The following CA14 variants were observed in gnomAD, a reference collection of about 807,000 sequenced individuals.
CA14 encodes carbonic anhydrase 14.
Under a neutral mutation model 48.8 loss-of-function variants are expected in CA14, and 44 were observed. The observed-to-expected ratio is 0.90, with a 90% confidence interval of 0.71 to 1.16. CA14 has a LOEUF of 1.16. Among genes scored for constraint, CA14 ranks in the 50% most tolerant of loss-of-function variants. CA14 has a pLI of 0.00. For missense variants in CA14, 386 were observed against 401.0 expected (o/e 0.96, Z 0.32); for synonymous variants, 154 against 155.0 (o/e 0.99, Z 0.05).
chr1:150,263,571 G>C (rs1651293535), intron 8 of CA14, 88 bp from the exon 9 acceptor site: 2 of 1,611,764 alleles, frequency 1.2e-6, no homozygotes, highest in Admixed American at 1.7e-5. Context: ...TGCCCCCGGG[G>C]GATTCTCCCA....
Position 150,258,030 on chromosome 1 carries a change from CT to C in CA14, c.-98del. The C allele has an allele frequency of 1.4e-6, 1 of 694,990 alleles. No individual in the cohort carries two copies. The allele number at this position is 694,990 out of a possible 1,614,324, so 43.1% of individuals were successfully genotyped here. ...CACTCACGCCAGGAGCTCGCTCGCT[CT>C]CTCTCTCTCTCTCTCACTCCTCCCT... On this transcript the variant is annotated 5_prime_UTR_variant, in exon 1 of 11. Transcript: ENST00000369111.
intron 1 of CA14, among the ~76,000 whole-genome samples, chr1:150,258,958 G>T (rs1382971830): frequency 6.6e-6 from 1 of 150,838 alleles, no homozygotes; most frequent in South Asian, 2.1e-4. Context: ...AGAGGATGGG[G>T]GCAGGCAGGC....
intron 2 of CA14, 169 bp from the exon 3 acceptor site, chr1:150,261,290 C>T: frequency 1.6e-6 from 1 of 611,796 alleles, no homozygotes; most frequent in Non-Finnish European, 2.9e-6. Flanking sequence ...AGGACTCCTA[C>T]CTCACCCATC....
chr1:150,260,059 A>G (rs1650864061), intron 1 of CA14, 92 bp from the exon 2 acceptor site: 3 of 1,212,240 alleles, frequency 2.5e-6, no homozygotes, highest in East Asian at 4.7e-5. Flanking sequence ...AGGGAGGTGG[A>G]GCAGTACAGA....
Position 150,262,384 on chromosome 1 carries a change from T to G in CA14, c.399+84T>G, listed in dbSNP as rs1651115653. The G allele has an allele frequency of 2.0e-6, 3 of 1,533,680 alleles. No homozygotes were observed. In the African/African-American group the frequency reaches 4.1e-5, roughly 21 times the overall value. ...GAAAGGATCTGGACCTTAGGAAAAG[T>G]CATGCTGGGGGGATAAGGCCAATCT... On this transcript the variant is annotated intron_variant, in intron 4 of 10. Transcript: ENST00000369111.
Position 150,258,025 on chromosome 1 carries a change from TCG to T in CA14, c.-102_-101del, listed in dbSNP as rs1553847046. ...AAATACACTCACGCCAGGAGCTCGC[TCG>T]CTCTCTCTCTCTCTCTCTCACTCCT... On this transcript the variant is annotated 5_prime_UTR_variant, in exon 1 of 11. Transcript: ENST00000369111. The T allele has an allele frequency of 9.3e-5, 69 of 743,864 alleles. No homozygotes were observed. The highest frequency in any genetic ancestry group is 1.7e-4 in the African/African-American group (9 of 53,332). The allele number at this position is 743,864 out of a possible 1,614,324, so 46.1% of individuals were successfully genotyped here.
At chr1:150,259,695 A>G (rs1650831137) in intron 1 of CA14, among the ~76,000 whole-genome samples, 1 of 151,904 alleles carries the variant, frequency 6.6e-6, no homozygotes, top group Non-Finnish European at 1.5e-5. Context: ...TCCCCTCAGT[A>G]GCACCCCCCA....
chr1:150,263,626 G>T (rs781994058), intron 8 of CA14, 33 bp from the exon 9 acceptor site: 9 of 1,613,238 alleles, frequency 5.6e-6, no homozygotes, highest in Non-Finnish European at 6.8e-6. Context: ...ATGGGGATCT[G>T]AAGTCCCACT....
Position 150,258,144 on chromosome 1 carries a change from C to T in CA14, c.16C>T (p.Leu6Phe). 7 of 1,611,134 alleles carry T rather than the reference C, an allele frequency of 4.3e-6. No homozygotes were observed. Among genetic ancestry groups the T allele is most frequent in the Non-Finnish European group, 5.9e-6 (7 of 1,178,186 alleles). Residue 6 changes from leucine to phenylalanine, a missense_variant, in exon 1 of 11, where the codon CTC (leucine) becomes TTC (phenylalanine). Leu to Phe is a conservative substitution (Grantham distance 22, BLOSUM62 0). Coordinates refer to ENST00000369111, the MANE Select transcript of CA14 (RefSeq NM_012113.3). ...CTGGGACACTATGTTGTTCTCCGCC[C>T]TCCTGCTGGAGGTGATTTGGATCCT... Reference protein sequence around the residue: MLFSALLLEVIWILAA... With the variant: MLFSAFLLEVIWILAA...
rs148420100 is a variant in CA14 at position 150,263,432 on chromosome 1, G to A, written c.841+13G>A. On this transcript the variant is annotated intron_variant, in intron 8 of 10. Transcript: ENST00000369111. ...TCTTTCATCCAAGGTGATTCTGCAC[G>A]GCTCAGAAGAGATGGGAAACTGAGG... is the stretch of plus-strand genomic sequence containing the variant. 85 of 1,613,154 alleles carry A rather than the reference G, an allele frequency of 5.3e-5. No individual in the cohort carries two copies. In the African/African-American group the frequency reaches 8.0e-4, roughly 15 times the overall value.
Position 150,264,817 on chromosome 1 carries a change from G to A in CA14, c.*158G>A, listed in dbSNP as rs2101843510. 1.9e-6 allele frequency: 1 copy of A among 521,804 alleles called. No individual in the cohort carries two copies. The highest frequency in any genetic ancestry group is 3.4e-6 in the Non-Finnish European group (1 of 293,686). 32.3% of individuals were successfully genotyped at this position (521,804 alleles called of 1,614,324 possible). On this transcript the variant is annotated 3_prime_UTR_variant, in exon 11 of 11. Transcript: ENST00000369111. ...TCCTAGAGAGGAATGGACCCAGGCT[G>A]TCATTCCAGGAAGAACTGCAGAGCC... is the stretch of plus-strand genomic sequence containing the variant.
chr1:150,258,179 T>A lies in CA14; in HGVS notation c.51T>A (p.Asp17Glu). The change falls in exon 1 of 11, where the codon GAT becomes GAA. Residue 17 changes from aspartate to glutamate, a missense_variant. Physicochemically the swap from Asp to Glu is conservative, Grantham distance 45. Coordinates refer to ENST00000369111, the MANE Select transcript of CA14 (RefSeq NM_012113.3). ...LLEVIWILAA[D>E]GGQHWTYEGP... ...AGGTGATTTGGATCCTGGCTGCAGA[T>A]GGGGGTAGGTACAACTAAATGTCTG... 4 of 1,610,714 alleles carry A rather than the reference T, an allele frequency of 2.5e-6. No homozygotes were observed. The highest frequency in any genetic ancestry group is 3.4e-6 in the Non-Finnish European group (4 of 1,177,832).
At chr1:150,260,637 C>A in intron 2 of CA14, 1 of 262,872 alleles carries the variant, frequency 3.8e-6, no homozygotes. Flanking sequence ...CTTAACCAAA[C>A]TCAAGTTCAT....
At chr1:150,258,255 G>A (rs1650713533) in intron 1 of CA14, 72 bp downstream of exon 1, 7 of 1,287,336 alleles carry the variant, frequency 5.4e-6, no homozygotes, top group African/African-American at 1.5e-5. Context: ...CTTAATGGGG[G>A]GAGGAGAGGT....
At chr1:150,263,238 G>GT (rs1651245422) in intron 7 of CA14, 39 bp downstream of exon 7, 4 of 1,613,732 alleles carry the variant, frequency 2.5e-6, no homozygotes, top group Non-Finnish European at 1.7e-6. Context: ...AGACACAGTT[G>GT]TAACTTCAGA....
rs201259406 is a variant in CA14, at chr1:150,263,912, C to CTTTTTT, written c.947+36_947+37insTTTTTT. On this transcript the variant is annotated intron_variant, in intron 10 of 10. Coordinates refer to ENST00000369111, the MANE Select transcript of CA14 (RefSeq NM_012113.3). ...CTACTTTCCATTCCTCCAGTCCCTTCTTCTTTTTTTTTTTTTTTTTGGTAG... is the reference window on the plus strand; with the variant it reads ...CTACTTTCCATTCCTCCAGTCCCTTCTTTTTTTTCTTTTTTTTTTTTTTTTTGGTAG... 1.0e-5 allele frequency: 10 copies of CTTTTTT among 998,094 alleles called. No homozygotes were observed. In the African/African-American group the frequency reaches 1.3e-4, roughly 13 times the overall value. 61.8% of individuals were successfully genotyped at this position (998,094 alleles called of 1,614,324 possible).
rs1553847816 is a variant in CA14, at chr1:150,261,539, G to T, written c.157G>T (p.Asp53Tyr). Residue 53 changes from aspartate (D) to tyrosine (Y), a missense_variant, in exon 3 of 11, where the codon GAC becomes TAC. Physicochemically the swap from Asp to Tyr is radical, Grantham distance 160. Transcript: ENST00000369111. ...CCAGTCGCCCATCGATATTCAGACA[G>T]ACAGTGTGACATTTGACCCTGATTT... ...NAQSPIDIQT[D>Y]SVTFDPDLPA... 1 of 1,614,184 alleles carries T rather than the reference G, an allele frequency of 6.2e-7. No individual in the cohort carries two copies. Among genetic ancestry groups the T allele is most frequent in the Admixed American group, 1.7e-5 (1 of 60,008 alleles).
At position 150,263,708 on chromosome 1, in the gene CA14, G is replaced by C. The variant is rs41304255; in HGVS notation, c.862+29G>C. ...AGCCAGCCTTATAAGATAATGCGGG[G>C]AGGGGAGGTGTCCTCACCGAGTGGG... On this transcript the variant is annotated intron_variant, in intron 9 of 10. Transcript: ENST00000369111. The C allele has an allele frequency of 5.0e-6, 8 of 1,613,706 alleles. No individual in the cohort carries two copies. The African/African-American group carries it at 1.1e-4, about 22-fold the overall frequency.
At position 150,261,482 on chromosome 1, in the gene CA14, C is replaced by G. The variant is rs781999303; in HGVS notation, c.100C>G (p.Pro34Ala). Reference protein sequence around the residue: ...YEGPHGQDHWPASYPECGNNA... With the variant: ...YEGPHGQDHWAASYPECGNNA... The stretch of plus-strand genomic sequence containing the variant: ...AGGCCCACATGGTCAGGACCATTGG[C>G]CAGCCTCTTACCCTGAGTGTGGAAA... Residue 34 changes from proline (P) to alanine (A), a missense_variant, in exon 3 of 11, where the codon CCA (proline) becomes GCA (alanine). By Grantham distance (27) the Pro-to-Ala change is conservative (BLOSUM62 -1). Coordinates refer to ENST00000369111, the MANE Select transcript of CA14 (RefSeq NM_012113.3). 1 of 1,614,044 alleles carries G rather than the reference C, an allele frequency of 6.2e-7. No individual in the cohort carries two copies. Among genetic ancestry groups the G allele is most frequent in the Non-Finnish European group, 8.5e-7 (1 of 1,179,926 alleles).
Sources: gnomAD v4.1 joint callset for allele counts (sites outside exome capture counted in the v4.1 genomes callset) on GRCh38, gnomAD v4.1.1 for gene constraint, MANE v1.5 for transcripts, NCBI Gene and HGNC (gene_info 2026-07-23, HGNC 2026-07-21) for gene names.